TTC38: variants seen among roughly 807,000 people sequenced by gnomAD.
TTC38 encodes the protein tetratricopeptide repeat protein 38.
A neutral mutation model predicts 64.2 loss-of-function variants in TTC38; 64 were observed. That is an observed-to-expected ratio of 1.00 (90% CI 0.81 to 1.23). The LOEUF (loss-of-function observed/expected upper bound fraction) is 1.23. Ranked by LOEUF, TTC38 falls within the 50% of genes most tolerant of loss-of-function variation. The probability of loss-of-function intolerance (pLI) is 0.00; values close to 1 mark genes in which losing one functional copy is unlikely to be tolerated. For missense variants in TTC38, 573 were observed against 615.5 expected (o/e 0.93, Z 0.73); for synonymous variants, 254 against 249.3 (o/e 1.02, Z -0.18).
In TTC38 at chr22:46,270,753, G is replaced by A. The variant is rs1034373446; in HGVS notation, c.112-1582G>A. Among the ~76,000 whole-genome samples, 3 of 152,112 alleles carry A rather than the reference G, an allele frequency of 2.0e-5. No homozygotes were observed. Among genetic ancestry groups the A allele is most frequent in the African/African-American group, 7.2e-5 (3 of 41,410 alleles). On this transcript the variant is annotated intron_variant, in intron 2 of 13. Coordinates refer to ENST00000381031, the MANE Select transcript of TTC38 (RefSeq NM_017931.4). The surrounding 1 kb of genome is among the most constrained non-coding windows in gnomAD (Gnocchi z 4.7). ...GGGAGGCTGAGGCAGAGGAATTCTT[G>A]AACCAGGGAGGTGGAGGTTGTAGTG...
intron 8 of TTC38, among the ~76,000 whole-genome samples, chr22:46,284,805 G>A (rs1212038216): frequency 6.7e-6 from 1 of 148,458 alleles, no homozygotes; most frequent in African/African-American, 2.5e-5. Context: ...GGACGCGGAG[G>A]TTACAGTGAG....
chr22:46,268,109 GC>G (rs1435288175), intron 1 of TTC38, 37 bp downstream of exon 1: 2 of 1,528,484 alleles, frequency 1.3e-6, no homozygotes, highest in Non-Finnish European at 8.7e-7. Flanking sequence ...TCCCCCTCGG[GC>G]CCCGGGTCCT....
At position 46,274,022 on chromosome 22, in the gene TTC38, A is replaced by G. The variant is rs775248226; in HGVS notation, c.318A>G (p.Thr106=). The G allele has an allele frequency of 1.2e-6, 2 of 1,614,162 alleles. No individual in the cohort carries two copies. Among genetic ancestry groups the G allele is most frequent in the South Asian group, 1.1e-5 (1 of 91,082 alleles). Residue 106 remains threonine, a synonymous_variant, in exon 4 of 14, where the codon ACA becomes ACG. Coordinates refer to ENST00000381031, the MANE Select transcript of TTC38 (RefSeq NM_017931.4). The surrounding 1 kb of genome is among the most constrained non-coding windows in gnomAD (Gnocchi z 4.8). ...AGATTTCAAGAACCCAGCCGCTGAC[A>G]AGGCGGGAGCAGCTGCACGTGTCTG... ...MVEISRTQPL[T]RREQLHVSAV...
Position 46,288,510 on chromosome 22 carries a change from A to T in TTC38, c.1004A>T (p.His335Leu). Reference protein sequence around the residue: ...RDHILLFNDAHFLMASLGAHD... With the variant: ...RDHILLFNDALFLMASLGAHD... Reference sequence around the variant, plus strand: ...CACATCCTGCTGTTCAATGACGCACACTTCCTGATGGCATCCCTGGGTGCA... The same window carrying T: ...CACATCCTGCTGTTCAATGACGCACTCTTCCTGATGGCATCCCTGGGTGCA... Residue 335 changes from histidine (H) to leucine (L), a missense_variant, in exon 11 of 14, where the codon CAC becomes CTC. Physicochemically the swap from His to Leu is moderately conservative, Grantham distance 99. This residue lies in a region of TTC38 where 371 missense variants were observed against 381.8 expected (regional missense o/e 0.97). Coordinates refer to ENST00000381031, the MANE Select transcript of TTC38 (RefSeq NM_017931.4). 1 of 1,613,906 alleles carries T rather than the reference A, an allele frequency of 6.2e-7. No individual in the cohort carries two copies. Among genetic ancestry groups the T allele is most frequent in the Non-Finnish European group, 8.5e-7 (1 of 1,179,902 alleles).
chr22:46,275,998 T>A lies in TTC38; in HGVS notation c.539+577T>A, dbSNP rs1184620340. ...CTTGGGAAGAGAAGAAGGCCTGGAA[T>A]GTGCATGAACAGCCCCAGTGACCAC... On this transcript the variant is annotated intron_variant, in intron 5 of 13. Transcript: ENST00000381031. The surrounding 1 kb of genome is among the most constrained non-coding windows in gnomAD (Gnocchi z 4.5). Among the ~76,000 whole-genome samples the A allele has an allele frequency of 6.6e-6, 1 of 152,142 alleles. No individual in the cohort carries two copies. The highest frequency in any genetic ancestry group is 1.5e-5 in the Non-Finnish European group (1 of 68,030).
Position 46,273,991 on chromosome 22 carries a change from T to C in TTC38, c.287T>C (p.Met96Thr), listed in dbSNP as rs1481537926. 6.2e-7 allele frequency: 1 copy of C among 1,614,086 alleles called. No homozygotes were observed. ...GAGCTGGACCTGGCTGTGAAGACAA[T>C]GGTGGAGATTTCAAGAACCCAGCCG... ...DKELDLAVKT[M>T]VEISRTQPLT... Residue 96 changes from methionine (M) to threonine (T), a missense_variant, in exon 4 of 14, where the codon ATG becomes ACG. Met to Thr is a moderately conservative substitution (Grantham distance 81). Coordinates refer to ENST00000381031, the MANE Select transcript of TTC38 (RefSeq NM_017931.4). This position sits in a 1 kb window ranked among gnomAD's most constrained non-coding sequence, Gnocchi z 5.1.
rs1379982811 is a variant in TTC38 at position 46,282,760 on chromosome 22, T to C, written c.735+1042T>C. Reference sequence around the variant, plus strand: ...GAGTCCAGTCTCCTGAGCTTGGAAATACCCTAGCAGGGGCCAGCTCTGAGC... The same window carrying C: ...GAGTCCAGTCTCCTGAGCTTGGAAACACCCTAGCAGGGGCCAGCTCTGAGC... On this transcript the variant is annotated intron_variant, in intron 7 of 13. Transcript: ENST00000381031. This position sits in a 1 kb window ranked among gnomAD's most constrained non-coding sequence, Gnocchi z 4.4. Among the ~76,000 whole-genome samples, 1 of 152,054 alleles carries C rather than the reference T, an allele frequency of 6.6e-6. No homozygotes were observed. The highest frequency in any genetic ancestry group is 1.5e-5 in the Non-Finnish European group (1 of 68,012).
Position 46,292,906 on chromosome 22 carries a change from C to T in TTC38, c.*22C>T. 1 of 1,587,246 alleles carries T rather than the reference C, an allele frequency of 6.3e-7. No homozygotes were observed. Among genetic ancestry groups the T allele is most frequent in the Non-Finnish European group, 8.6e-7 (1 of 1,156,518 alleles). ...GTGAGCCAGCCTGGCCGCCTCCACC[C>T]TGCAGAACCTCAGTGGTGGCGTCAC... On this transcript the variant is annotated 3_prime_UTR_variant, in exon 14 of 14. Coordinates refer to ENST00000381031, the MANE Select transcript of TTC38 (RefSeq NM_017931.4). This position sits in a 1 kb window ranked among gnomAD's most constrained non-coding sequence, Gnocchi z 6.5.
intron 5 of TTC38, among the ~76,000 whole-genome samples, chr22:46,277,422 T>C (rs1466264385): frequency 6.6e-6 from 1 of 152,016 alleles, no homozygotes; most frequent in African/African-American, 2.4e-5. Flanking sequence ...CTGGCCAACA[T>C]GGTGAAACCC....
rs1366595490 is a variant in TTC38 at position 46,270,157 on chromosome 22, A to G, written c.111+1566A>G. ...GGCAGCTCATCCTCCCAGCCTGGGT[A>G]TATTTTGTCCCGTGTATTGGTGTCT... is the stretch of plus-strand genomic sequence containing the variant. On this transcript the variant is annotated intron_variant, in intron 2 of 13. Coordinates refer to ENST00000381031, the MANE Select transcript of TTC38 (RefSeq NM_017931.4). The surrounding 1 kb of genome is among the most constrained non-coding windows in gnomAD (Gnocchi z 4.7). Among the ~76,000 whole-genome samples the G allele has an allele frequency of 6.6e-6, 1 of 152,130 alleles. No individual in the cohort carries two copies. The highest frequency in any genetic ancestry group is 2.4e-5 in the African/African-American group (1 of 41,434).
intron 7 of TTC38, among the ~76,000 whole-genome samples, chr22:46,283,533 A>G (rs2077549516): frequency 6.6e-6 from 1 of 152,246 alleles, no homozygotes; most frequent in South Asian, 2.1e-4. Flanking sequence ...CCTAGTGCAG[A>G]ATATTGTTTC....
chr22:46,283,294 C>T (rs1198780127), intron 7 of TTC38, among the ~76,000 whole-genome samples: 1 of 152,270 alleles, frequency 6.6e-6, no homozygotes, highest in South Asian at 2.1e-4. Context: ...ATGGGCCTCG[C>T]ACCTCCCTGT....
rs1045412889 is a variant in TTC38, at chr22:46,268,505, C to G, written c.34-9C>G. 2 of 1,613,862 alleles carry G rather than the reference C, an allele frequency of 1.2e-6. No homozygotes were observed. The highest frequency in any genetic ancestry group is 1.7e-6 in the Non-Finnish European group (2 of 1,179,976). On this transcript the variant is annotated splice_polypyrimidine_tract_variant and intron_variant, in intron 1 of 13. Transcript: ENST00000381031. ...GAAGGCACTGCTATTCCCTTCTTGC[C>G]GTCTGTAGGCCTGGAAGGATGCGAG...
rs1336764405 is a variant in TTC38, at chr22:46,271,699, C to T, written c.112-636C>T. ...CTAATTTTTGTATTATTTGTAGAGA[C>T]AGAGTTTTGCCATGTTGGCCAGGCT... On this transcript the variant is annotated intron_variant, in intron 2 of 13. Coordinates refer to ENST00000381031, the MANE Select transcript of TTC38 (RefSeq NM_017931.4). The surrounding 1 kb of genome is among the most constrained non-coding windows in gnomAD (Gnocchi z 5.5). Among the ~76,000 whole-genome samples the T allele has an allele frequency of 1.3e-5, 2 of 148,604 alleles. No homozygotes were observed. The highest frequency in any genetic ancestry group is 2.9e-5 in the Non-Finnish European group (2 of 68,002).
At chr22:46,289,190 G>C (rs1403954755) in intron 11 of TTC38, among the ~76,000 whole-genome samples, 1 of 152,202 alleles carries the variant, frequency 6.6e-6, no homozygotes, top group Non-Finnish European at 1.5e-5. Context: ...TGGGGGACCA[G>C]GTAGCTGGAA....
chr22:46,285,216 A>G, intron 8 of TTC38, 25 bp from the exon 9 acceptor site: 1 of 1,613,296 alleles, frequency 6.2e-7, no homozygotes, highest in Non-Finnish European at 8.5e-7. Flanking sequence ...TCCAGGGTTT[A>G]ATAAGGAGAA....
Position 46,289,534 on chromosome 22 carries a change from C to G in TTC38, c.1215C>G (p.Ile405Met). 6.3e-7 allele frequency: 1 copy of G among 1,599,002 alleles called. No individual in the cohort carries two copies. Among genetic ancestry groups the G allele is most frequent in the Non-Finnish European group, 8.5e-7 (1 of 1,174,050 alleles). The change falls in exon 12 of 14, where the codon ATC becomes ATG. Residue 405 changes from isoleucine to methionine, a missense_variant. Transcript: ENST00000381031. ...LELLLPIRYR[I>M]VQLGGSNAQR... The stretch of plus-strand genomic sequence containing the variant: ...TGCTCCTGCCCATCCGCTACCGGAT[C>G]GTCCAGCTCGGTGGGAGCAATGCCC...
rs1214914842 is a variant in TTC38, at chr22:46,270,442, G to A, written c.111+1851G>A. 6.7e-6 allele frequency among the ~76,000 whole-genome samples: 1 copy of A among 149,024 alleles called. No homozygotes were observed. The highest frequency in any genetic ancestry group is 2.0e-4 in the East Asian group (1 of 5,066). ...TAGATGTAGGTTAGACAGCTGAAAG[G>A]GCATATTTTAAAATCTAATGTGTGA... On this transcript the variant is annotated intron_variant, in intron 2 of 13. Coordinates refer to ENST00000381031, the MANE Select transcript of TTC38 (RefSeq NM_017931.4). The surrounding 1 kb of genome is among the most constrained non-coding windows in gnomAD (Gnocchi z 4.7).
Position 46,276,746 on chromosome 22 carries a change from A to T in TTC38, c.539+1325A>T, listed in dbSNP as rs139125107. ...TATATATATTAAAAAAATATATATA[A>T]AATACATATATTAAAAATATATATT... On this transcript the variant is annotated intron_variant, in intron 5 of 13. Coordinates refer to ENST00000381031, the MANE Select transcript of TTC38 (RefSeq NM_017931.4). This position sits in a 1 kb window ranked among gnomAD's most constrained non-coding sequence, Gnocchi z 4.7. 0.071 allele frequency among the ~76,000 whole-genome samples: 10,250 copies of T among 145,324 alleles called. 504 individuals carry two copies. Among genetic ancestry groups the T allele is most frequent in the Non-Finnish European group, 0.11 (7,101 of 66,578 alleles).
Sources: allele counts gnomAD v4.1 joint callset (sites outside exome capture counted in the v4.1 genomes callset), GRCh38; gene constraint gnomAD v4.1.1; regional missense constraint gnomAD v4.1.1; non-coding constraint Gnocchi (gnomAD v3.1); transcripts MANE v1.5; gene names NCBI Gene and HGNC (gene_info 2026-07-23, HGNC 2026-07-21).